Variants in ZNF585A observed in about 807,000 individuals in gnomAD.
ZNF585A encodes zinc finger protein 585A.
In ZNF585A, 9 loss-of-function variants were observed where a neutral mutation model predicts 14.9. The observed-to-expected ratio is 0.60, with a 90% CI of 0.36 to 1.05. The LOEUF (loss-of-function observed/expected upper bound fraction) is 1.05, where lower values mean the gene tolerates loss of function less well. ZNF585A is among the 50% of genes least tolerant of loss of function. The pLI is 0.01. For missense variants in ZNF585A, 726 were observed against 926.4 expected (o/e 0.78, Z 2.81); for synonymous variants, 276 against 319.9 (o/e 0.86, Z 1.46).
At position 37,156,377 on chromosome 19, in the gene ZNF585A, C is replaced by T. The variant is rs752473371; in HGVS notation, c.73-22G>A. 4.3e-6 allele frequency: 7 copies of T among 1,613,860 alleles called. No homozygotes were observed. The Admixed American group carries it at 8.3e-5, about 19-fold the overall frequency. ...ATCCCTGTAAGGGCAAATTCTTGTT[C>T]AATGTGCACAGTCAGCTTAGAGGGT... On this transcript the variant is annotated intron_variant, in intron 2 of 4. Coordinates refer to ENST00000292841, the MANE Select transcript of ZNF585A (RefSeq NM_001288800.2).
At chr19:37,162,919 C>A (rs1972033052) in intron 2 of ZNF585A, among the ~76,000 whole-genome samples, 1 of 151,980 alleles carries the variant, frequency 6.6e-6, no homozygotes, top group Non-Finnish European at 1.5e-5. Flanking sequence ...ATACAATAAA[C>A]CCCCATGACA....
chr19:37,170,157 G>T, intron 1 of ZNF585A, 103 bp from the exon 2 acceptor site: 1 of 425,354 alleles, frequency 2.4e-6, no homozygotes, highest in East Asian at 3.7e-5. Flanking sequence ...CCAAAGCAGT[G>T]GTTCTCAAAT....
Position 37,153,195 on chromosome 19 carries a change from A to T in ZNF585A, c.704T>A (p.Ile235Asn). 1 of 1,614,022 alleles carries T rather than the reference A, an allele frequency of 6.2e-7. No individual in the cohort carries two copies. Among genetic ancestry groups the T allele is most frequent in the African/African-American group, 1.3e-5 (1 of 74,986 alleles). ...YNSDLSIHEK[I>N]HTGERHHECT... ...TTCATGGTGTCTCTCTCCAGTATGA[A>T]TTTTCTCATGTATACTGAGATCTGA... The change falls in exon 5 of 5, where the codon ATT (isoleucine) becomes AAT (asparagine). Residue 235 changes from isoleucine to asparagine, a missense_variant. Around this residue, in one of 2 missense-constraint regions of ZNF585A, gnomAD observed 483 missense variants for 542.8 expected, o/e 0.89. Coordinates refer to ENST00000292841, the MANE Select transcript of ZNF585A (RefSeq NM_001288800.2).
At chr19:37,160,106 G>A (rs746102528) in intron 2 of ZNF585A, among the ~76,000 whole-genome samples, 2 of 152,102 alleles carry the variant, frequency 1.3e-5, no homozygotes, top group Non-Finnish European at 2.9e-5. Context: ...GCCAAAGTGG[G>A]AGGATTGCTT....
chr19:37,155,147 T>C (rs1324680270), intron 4 of ZNF585A, among the ~76,000 whole-genome samples: 3 of 151,774 alleles, frequency 2.0e-5, no homozygotes, highest in Admixed American at 6.6e-5. Context: ...ACTACAGGCA[T>C]CCACCACGGC....
Position 37,153,388 on chromosome 19 carries a change from G to A in ZNF585A, c.511C>T (p.Pro171Ser), listed in dbSNP as rs1282564606. 2.5e-6 allele frequency: 4 copies of A among 1,613,784 alleles called. No homozygotes were observed. The highest frequency in any genetic ancestry group is 3.4e-6 in the Non-Finnish European group (4 of 1,179,948). Residue 171 changes from proline to serine, a missense_variant, in exon 5 of 5, where the codon CCA becomes TCA. By Grantham distance (74) the Pro-to-Ser change is moderately conservative (BLOSUM62 -1). Coordinates refer to ENST00000292841, the MANE Select transcript of ZNF585A (RefSeq NM_001288800.2). Reference sequence around the variant, plus strand: ...GTTTTCTGGTGTATAATAAATTCTGGCTTCTGTACAAAAGCCTTCCCACAT... The same window carrying A: ...GTTTTCTGGTGTATAATAAATTCTGACTTCTGTACAAAAGCCTTCCCACAT... ...IECGKAFVQK[P>S]EFIIHQKTHM...
At position 37,151,460 on chromosome 19, in the gene ZNF585A, G is replaced by T. The variant is rs973194340; in HGVS notation, c.*129C>A. On this transcript the variant is annotated 3_prime_UTR_variant, in exon 5 of 5. Coordinates refer to ENST00000292841, the MANE Select transcript of ZNF585A (RefSeq NM_001288800.2). ...AGTGCCTTCTCAGAGGCCCTCTCCAGAACAGCCATGTGTGACATTCTGCTG... is the reference window on the plus strand; with the variant it reads ...AGTGCCTTCTCAGAGGCCCTCTCCATAACAGCCATGTGTGACATTCTGCTG... 1.2e-5 allele frequency: 12 copies of T among 1,035,988 alleles called. No homozygotes were observed. The highest frequency in any genetic ancestry group is 1.6e-5 in the African/African-American group (1 of 61,092). The allele number at this position is 1,035,988 out of a possible 1,614,324, so 64.2% of individuals were successfully genotyped here.
In ZNF585A at chr19:37,153,312, A is replaced by G. The variant is rs2145398511; in HGVS notation, c.587T>C (p.Phe196Ser). The G allele has an allele frequency of 1.2e-6, 2 of 1,614,196 alleles. No homozygotes were observed. Among genetic ancestry groups the G allele is most frequent in the East Asian group, 2.2e-5 (1 of 44,876 alleles). ...FKCNECGKSF[F>S]QVSSLFRHQR... ...ATGCCTGAAGAGGGACGACACTTGA[A>G]AAAAGGATTTTCCACATTCATTGCA... is the stretch of plus-strand genomic sequence containing the variant. The change falls in exon 5 of 5, where the codon TTT (phenylalanine) becomes TCT (serine). Residue 196 changes from phenylalanine (F) to serine (S), a missense_variant. Coordinates refer to ENST00000292841, the MANE Select transcript of ZNF585A (RefSeq NM_001288800.2).
In ZNF585A at chr19:37,147,766, T is replaced by C. The variant is rs994320374; in HGVS notation, c.*3823A>G. ...ATCTAGTTTTTACACTTATAAATCT[T>C]TTATCAAATGTAATTCAAGTTATCA... is the stretch of plus-strand genomic sequence containing the variant. On this transcript the variant is annotated 3_prime_UTR_variant, in exon 5 of 5. Coordinates refer to ENST00000292841, the MANE Select transcript of ZNF585A (RefSeq NM_001288800.2). The C allele has an allele frequency of 6.6e-6, 1 of 152,218 alleles. No individual in the cohort carries two copies. The highest frequency in any genetic ancestry group is 2.4e-5 in the African/African-American group (1 of 41,448). 9.4% of individuals were successfully genotyped at this position (152,218 alleles called of 1,614,324 possible). A position where few individuals can be genotyped will look rare whatever the true frequency, so the allele number is the denominator to read the frequency against.
Position 37,153,116 on chromosome 19 carries a change from C to T in ZNF585A, c.783G>A (p.Gln261=), listed in dbSNP as rs1568493669. Residue 261 remains glutamine (Q), a synonymous_variant, in exon 5 of 5, where the codon CAG becomes CAA. Transcript: ENST00000292841. ...AGGATCTCTCGCCTGTATGGATTTT[C>T]TGATGCATCTTGAGTGTGGACTTTT... ...FTQKSTLKMH[Q]KIHTGERSYI... The T allele has an allele frequency of 6.2e-7, 1 of 1,614,168 alleles. No individual in the cohort carries two copies. Among genetic ancestry groups the T allele is most frequent in the Admixed American group, 1.7e-5 (1 of 60,018 alleles).
chr19:37,169,652 G>C (rs942571975), intron 2 of ZNF585A, among the ~76,000 whole-genome samples, 187 bp downstream of exon 2: 1 of 152,074 alleles, frequency 6.6e-6, no homozygotes, highest in Non-Finnish European at 1.5e-5. Flanking sequence ...CTCCAGAGAC[G>C]AAGACATTAC....
At chr19:37,159,248 C>CAA (rs768272181) in intron 2 of ZNF585A, among the ~76,000 whole-genome samples, 3,175 of 69,076 alleles carry the variant, frequency 0.046, 247 homozygotes, top group African/African-American at 0.12. Flanking sequence ...GACTCCATCT[C>CAA]AAAAAAAAAA....
intron 2 of ZNF585A, among the ~76,000 whole-genome samples, chr19:37,161,948 G>A (rs61564855): frequency 0.01 from 1,537 of 152,170 alleles, 25 homozygotes; most frequent in African/African-American, 0.035. Flanking sequence ...TTTTGAGATG[G>A]AGTTTCACTC....
At chr19:37,168,586 C>G (rs1188904099) in intron 2 of ZNF585A, among the ~76,000 whole-genome samples, 1 of 152,138 alleles carries the variant, frequency 6.6e-6, no homozygotes. Flanking sequence ...TTCAATCTAC[C>G]CTTCATATTT....
Position 37,150,709 on chromosome 19 carries a change from A to T in ZNF585A, c.*880T>A, listed in dbSNP as rs1971812908. ...CTGTTACATGAAAGTTACATCCTTA[A>T]GGAAGCCAGATACTAAGCTTCAAGT... is the stretch of plus-strand genomic sequence containing the variant. On this transcript the variant is annotated 3_prime_UTR_variant, in exon 5 of 5. Transcript: ENST00000292841. 6.5e-6 allele frequency: 1 copy of T among 153,924 alleles called. No individual in the cohort carries two copies. Among genetic ancestry groups the T allele is most frequent in the Admixed American group, 6.5e-5 (1 of 15,268 alleles). The allele number at this position is 153,924 out of a possible 1,614,324, so 9.5% of individuals were successfully genotyped here. A position where few individuals can be genotyped will look rare whatever the true frequency, so the allele number is the denominator to read the frequency against.
At position 37,156,890 on chromosome 19, in the gene ZNF585A, C is replaced by T. The variant is rs190185822; in HGVS notation, c.73-535G>A. ...TATTTATAGTAGACACGGGGTTTTG[C>T]CATGTTGGCCAGGCTGGTCTTGAAC... On this transcript the variant is annotated intron_variant, in intron 2 of 4. Transcript: ENST00000292841. 5.0e-3 allele frequency among the ~76,000 whole-genome samples: 768 copies of T among 152,240 alleles called. 10 individuals are homozygous for T. The highest frequency in any genetic ancestry group is 0.017 in the African/African-American group (718 of 41,546).
chr19:37,159,852 A>C (rs1971987090), intron 2 of ZNF585A, among the ~76,000 whole-genome samples: 1 of 152,234 alleles, frequency 6.6e-6, no homozygotes, highest in African/African-American at 2.4e-5. Context: ...CCACAGGTCA[A>C]ACAAGATATC....
rs755751834 is a variant in ZNF585A at position 37,169,855 on chromosome 19, T to C, written c.56A>G (p.His19Arg). The C allele has an allele frequency of 1.2e-6, 2 of 1,613,088 alleles. No individual in the cohort carries two copies. Among genetic ancestry groups the C allele is most frequent in the East Asian group, 2.2e-5 (1 of 44,882 alleles). ...CCTTCTCACCTCATAGGAGCTGCCATGATCCTCTGGAGCCAGGGCTGAGGA... is the reference window on the plus strand; with the variant it reads ...CCTTCTCACCTCATAGGAGCTGCCACGATCCTCTGGAGCCAGGGCTGAGGA... Reference protein sequence around the residue: ...QKSSALAPEDHGSSYEGSVSF... With the variant: ...QKSSALAPEDRGSSYEGSVSF... The change falls in exon 2 of 5, where the codon CAT becomes CGT. Residue 19 changes from histidine (H) to arginine (R), a missense_variant. By Grantham distance (29) the His-to-Arg change is conservative. This residue lies in a region of ZNF585A where 483 missense variants were observed against 542.8 expected (regional missense o/e 0.89). Transcript: ENST00000292841.
chr19:37,154,316 T>C (rs1199295980), intron 4 of ZNF585A, among the ~76,000 whole-genome samples: 1 of 152,184 alleles, frequency 6.6e-6, no homozygotes, highest in Non-Finnish European at 1.5e-5. Context: ...ATCCAAACTC[T>C]TAATTCACTT....
Sources: allele counts gnomAD v4.1 joint callset (sites outside exome capture counted in the v4.1 genomes callset), GRCh38; gene constraint gnomAD v4.1.1; regional missense constraint gnomAD v4.1.1; transcripts MANE v1.5; gene names NCBI Gene and HGNC (gene_info 2026-07-23, HGNC 2026-07-21).